Variants in ACOX3 observed in about 807,000 individuals in gnomAD.
The protein encoded by ACOX3 is peroxisomal acyl-coenzyme A oxidase 3.
ACOX3 carries 73 observed loss-of-function variants against 81.5 expected under a neutral mutation model. The observed-to-expected ratio is 0.90, with a 90% CI of 0.74 to 1.09. ACOX3 has a LOEUF of 1.09. Among genes scored for constraint, ACOX3 ranks in the 50% least tolerant of loss-of-function variants. The pLI is 0.00. For missense variants in ACOX3, 947 were observed against 928.0 expected, an observed-to-expected ratio of 1.02 and a Z score of -0.27; for synonymous variants, 387 against 375.1, an observed-to-expected ratio of 1.03 and a Z score of -0.37.
intron 15 of ACOX3, chr4:8,374,769 A>C (rs1716706201): frequency 2.0e-6 from 1 of 489,270 alleles, no homozygotes; most frequent in African/African-American, 1.9e-5. Context: ...AAGTGAAAGA[A>C]AAATTGGGTT....
chr4:8,433,975 A>T (rs1293548332), intron 1 of ACOX3, among the ~76,000 whole-genome samples: 1 of 152,180 alleles, frequency 6.6e-6, no homozygotes, highest in Non-Finnish European at 1.5e-5. Flanking sequence ...AGAGAAAGCA[A>T]AAAGTTAGAA....
chr4:8,416,587 C>A lies in ACOX3; in HGVS notation c.-14-52G>T, dbSNP rs925551728. 5 of 1,498,624 alleles carry A rather than the reference C, an allele frequency of 3.3e-6. No homozygotes were observed. Among genetic ancestry groups the A allele is most frequent in the Non-Finnish European group, 4.4e-6 (5 of 1,125,930 alleles). 92.8% of individuals were successfully genotyped at this position (1,498,624 alleles called of 1,614,324 possible). A position where few individuals can be genotyped will look rare whatever the true frequency, so the allele number is the denominator to read the frequency against. ...ATGCTCTCCCATCTATGGGTTCAAA[C>A]TACCCCCACCAACAGGAGAGCCCGC... On this transcript the variant is annotated intron_variant, in intron 1 of 17. Transcript: ENST00000356406. The surrounding 1 kb of genome is among the most constrained non-coding windows in gnomAD (Gnocchi z 4.2).
chr4:8,373,694 G>A (rs1716561579), intron 15 of ACOX3, 66 bp from the exon 16 acceptor site: 2 of 1,470,224 alleles, frequency 1.4e-6, no homozygotes, highest in African/African-American at 2.8e-5. Flanking sequence ...ATACCAACAT[G>A]CCCTGAGTGC....
At position 8,399,577 on chromosome 4, in the gene ACOX3, G is replaced by T; in HGVS notation, c.852C>A (p.Gly284=). The change falls in exon 8 of 18, where the codon GGC becomes GGA. Residue 284 remains glycine (G), a synonymous_variant. Coordinates refer to ENST00000356406, the MANE Select transcript of ACOX3 (RefSeq NM_003501.3). The surrounding 1 kb of genome is among the most constrained non-coding windows in gnomAD (Gnocchi z 4.9). ...LNRMGDVTPE[G]TYVSPFKDVR... ...GTACCTTAAAGGGGCTGACATAGGTGCCCTCGGGGGTGACGTCTCCCATCC... is the reference window on the plus strand; with the variant it reads ...GTACCTTAAAGGGGCTGACATAGGTTCCCTCGGGGGTGACGTCTCCCATCC... 2 of 1,614,036 alleles carry T rather than the reference G, an allele frequency of 1.2e-6. No homozygotes were observed. The highest frequency in any genetic ancestry group is 1.7e-6 in the Non-Finnish European group (2 of 1,179,914).
chr4:8,388,712 G>A (rs866927871), intron 13 of ACOX3, among the ~76,000 whole-genome samples: 78 of 152,360 alleles, frequency 5.1e-4, no homozygotes, highest in Middle Eastern at 3.4e-3. Flanking sequence ...GCCGAGTGAA[G>A]GAGGTGCGGG....
At chr4:8,367,170 A>G in intron 17 of ACOX3, 90 bp from the exon 18 acceptor site, 2 of 1,524,308 alleles carry the variant, frequency 1.3e-6, no homozygotes, top group Non-Finnish European at 1.8e-6. Flanking sequence ...CAACTCCTCA[A>G]AGTTTTTGTT....
At position 8,381,766 on chromosome 4, in the gene ACOX3, G is replaced by A. The variant is rs980163466; in HGVS notation, c.1538-159C>T. On this transcript the variant is annotated intron_variant, in intron 13 of 17. Transcript: ENST00000356406. This position sits in a 1 kb window ranked among gnomAD's most constrained non-coding sequence, Gnocchi z 4.3. ...GGGTGGGTCTGATTTTATAGGTAGG[G>A]AAACTGAAGCACAGGGAGGGCACCT... Among the ~76,000 whole-genome samples the A allele has an allele frequency of 1.3e-5, 2 of 152,200 alleles. No individual in the cohort carries two copies. Among genetic ancestry groups the A allele is most frequent in the African/African-American group, 2.4e-5 (1 of 41,454 alleles).
rs57692256 is a variant in ACOX3 at position 8,389,524 on chromosome 4, C to T, written c.1423+88G>A. On this transcript the variant is annotated intron_variant, in intron 12 of 17. Transcript: ENST00000356406. The surrounding 1 kb of genome is among the most constrained non-coding windows in gnomAD (Gnocchi z 5.3). ...CTTCTGCAAACCTAGGATGCATTCA[C>T]AGAACAGCTGAATCAGTGAGGCCAG... The T allele has an allele frequency of 3.7e-3, 5,849 of 1,586,700 alleles. 173 individuals are homozygous for T. The African/African-American group carries it at 0.068, about 18-fold the overall frequency.
At position 8,394,479 on chromosome 4, in the gene ACOX3, G is replaced by A. The variant is rs1015501226; in HGVS notation, c.1179+141C>T. ...AATCGCGGCAGAGGCCAAGAGCTCC[G>A]AGTGGGTGGGAACAACTGGAGGAAT... is the stretch of plus-strand genomic sequence containing the variant. On this transcript the variant is annotated intron_variant, in intron 10 of 17. Transcript: ENST00000356406. The surrounding 1 kb of genome is among the most constrained non-coding windows in gnomAD (Gnocchi z 5.9). 3.5e-5 allele frequency: 46 copies of A among 1,331,398 alleles called. No homozygotes were observed. The highest frequency in any genetic ancestry group is 1.7e-4 in the Admixed American group (7 of 40,196). The allele number at this position is 1,331,398 out of a possible 1,614,324, so 82.5% of individuals were successfully genotyped here. A position where few individuals can be genotyped will look rare whatever the true frequency, so the allele number is the denominator to read the frequency against.
chr4:8,432,640 G>A lies in ACOX3; in HGVS notation c.-15+8008C>T, dbSNP rs1211861548. Among the ~76,000 whole-genome samples the A allele has an allele frequency of 1.3e-5, 2 of 152,178 alleles. No homozygotes were observed. The highest frequency in any genetic ancestry group is 4.8e-5 in the African/African-American group (2 of 41,444). On this transcript the variant is annotated intron_variant, in intron 1 of 17. Transcript: ENST00000356406. The surrounding 1 kb of genome is among the most constrained non-coding windows in gnomAD (Gnocchi z 6.2). Reference sequence around the variant, plus strand: ...TCTGGCTGAGGCCCTGGAAGGTAATGGGGGCTGCTGTGAAGTGGCTGGAGC... The same window carrying A: ...TCTGGCTGAGGCCCTGGAAGGTAATAGGGGCTGCTGTGAAGTGGCTGGAGC...
At position 8,392,428 on chromosome 4, in the gene ACOX3, G is replaced by C; in HGVS notation, c.1205C>G (p.Ala402Gly). The change falls in exon 11 of 18, where the codon GCC becomes GGC. Residue 402 changes from alanine to glycine, a missense_variant. Coordinates refer to ENST00000356406, the MANE Select transcript of ACOX3 (RefSeq NM_003501.3). ...RQAELGREIH[A>G]LASASKPLAS... ...CAGGGGCTTGCTGGCCGATGCCAGGGCGTGGATCTCACGTCCAAGCTCTGC... is the reference window on the plus strand; with the variant it reads ...CAGGGGCTTGCTGGCCGATGCCAGGCCGTGGATCTCACGTCCAAGCTCTGC... 1 of 1,604,356 alleles carries C rather than the reference G, an allele frequency of 6.2e-7. No homozygotes were observed. The highest frequency in any genetic ancestry group is 8.5e-7 in the Non-Finnish European group (1 of 1,176,646).
chr4:8,421,979 A>T (rs1722996795), intron 1 of ACOX3, among the ~76,000 whole-genome samples: 2 of 152,386 alleles, frequency 1.3e-5, no homozygotes, highest in South Asian at 4.1e-4. Flanking sequence ...TAACAACTGG[A>T]ACTGTGTCTA....
At chr4:8,392,243 G>A in intron 11 of ACOX3, 90 bp downstream of exon 11, 1 of 1,344,506 alleles carries the variant, frequency 7.4e-7, no homozygotes, top group Non-Finnish European at 9.7e-7. Flanking sequence ...GCTGGATTTG[G>A]TCCTCAGGCC....
Position 8,415,751 on chromosome 4 carries a change from A to G in ACOX3, c.378+15T>C, listed in dbSNP as rs749694442. 6.2e-7 allele frequency: 1 copy of G among 1,611,086 alleles called. No individual in the cohort carries two copies. The highest frequency in any genetic ancestry group is 8.5e-7 in the Non-Finnish European group (1 of 1,177,668). ...CATGAAAGCCGTTTCCCTCTCCCCT[A>G]GGCCGCATGCTCACCAAGCTATGGA... On this transcript the variant is annotated intron_variant, in intron 3 of 17. Coordinates refer to ENST00000356406, the MANE Select transcript of ACOX3 (RefSeq NM_003501.3).
intron 1 of ACOX3, among the ~76,000 whole-genome samples, chr4:8,422,490 T>A (rs534409453): frequency 6.6e-6 from 1 of 152,210 alleles, no homozygotes; most frequent in African/African-American, 2.4e-5. Flanking sequence ...CTCGGTTTTT[T>A]TCACAATAGA....
chr4:8,355,878 T>G, the ACOX3 span: 2 of 154,838 alleles, frequency 1.3e-5, no homozygotes, highest in Non-Finnish European at 2.9e-5. Context: ...AGAACAAGAA[T>G]GGGCAGTTAT....
At chr4:8,393,998 T>C (rs1719375507) in intron 10 of ACOX3, among the ~76,000 whole-genome samples, 1 of 152,234 alleles carries the variant, frequency 6.6e-6, no homozygotes, top group African/African-American at 2.4e-5. Flanking sequence ...TTTCAAGATA[T>C]GCTAATTAGA....
intron 9 of ACOX3, among the ~76,000 whole-genome samples, chr4:8,395,987 G>A (rs1410402873): frequency 1.3e-5 from 2 of 152,216 alleles, no homozygotes; most frequent in Non-Finnish European, 2.9e-5. Flanking sequence ...TGTAAAGTGG[G>A]ACTAAGCCCA....
chr4:8,438,777 G>A (rs1337817035), intron 1 of ACOX3: 2 of 152,208 alleles, frequency 1.3e-5, no homozygotes, highest in Admixed American at 1.3e-4. Context: ...AAAAGTTGCA[G>A]GTGTTGTGTC....
Sources: gnomAD v4.1 joint callset for allele counts (sites outside exome capture counted in the v4.1 genomes callset) on GRCh38, gnomAD v4.1.1 for gene constraint, Gnocchi (gnomAD v3.1) non-coding constraint, MANE v1.5 for transcripts, NCBI Gene and HGNC (gene_info 2026-07-23, HGNC 2026-07-21) for gene names.